The following PHLPP1 variants were observed in gnomAD, a reference collection of about 807,000 sequenced individuals.
PHLPP1 encodes the protein PH domain and leucine rich repeat protein phosphatase 1, also known as PH domain leucine-rich repeat-containing protein phosphatase 1.
PHLPP1 carries 42 observed loss-of-function variants against 117.2 expected under a neutral mutation model. The ratio of observed to expected loss-of-function variants is 0.36; its 90% CI spans 0.28 to 0.46. PHLPP1 has a LOEUF of 0.46. PHLPP1 is among the 20% of genes least tolerant of loss of function. PHLPP1 has a pLI of 1.00. For synonymous variants in PHLPP1, 1,042 were observed against 970.7 expected (o/e 1.07, Z -1.37); for missense variants, 2,084 against 2,241.9 (o/e 0.93, Z 1.42).
chr18:62,826,768 C>T (rs1393132934), intron 1 of PHLPP1, among the ~76,000 whole-genome samples: 1 of 151,928 alleles, frequency 6.6e-6, no homozygotes, highest in African/African-American at 2.4e-5. Context: ...TTTGGGAGGC[C>T]GAGGTGGGTG....
chr18:62,758,861 C>G (rs1849255579), intron 1 of PHLPP1, among the ~76,000 whole-genome samples: 1 of 152,170 alleles, frequency 6.6e-6, no homozygotes. Flanking sequence ...CTTCTTTTCA[C>G]ATGGTGATTG....
chr18:62,749,125 T>C (rs145684762), intron 1 of PHLPP1, among the ~76,000 whole-genome samples: 49 of 152,320 alleles, frequency 3.2e-4, no homozygotes, highest in African/African-American at 8.9e-4. Flanking sequence ...TGTTTTTGCT[T>C]TCTTACTTTT....
chr18:62,832,242 G>A (rs915797392), intron 2 of PHLPP1: 1 of 152,234 alleles, frequency 6.6e-6, no homozygotes, highest in Non-Finnish European at 1.5e-5. Context: ...ATCAGAAGAT[G>A]AAGTAGGCAC....
intron 1 of PHLPP1, among the ~76,000 whole-genome samples, chr18:62,725,110 G>C (rs1243435038): frequency 6.6e-6 from 1 of 152,144 alleles, no homozygotes; most frequent in Admixed American, 6.5e-5. Context: ...TGTAATCCCA[G>C]CACTTTGGGA....
intron 1 of PHLPP1, among the ~76,000 whole-genome samples, chr18:62,766,076 A>AAAAAAAAAAAAAATAT: frequency 6.9e-4 from 15 of 21,658 alleles, no homozygotes; most frequent in African/African-American, 1.9e-3. Context: ...AAAAAAAAAA[A>AAAAAAAAAAAAAATAT]ATATATATAT....
intron 8 of PHLPP1, among the ~76,000 whole-genome samples, chr18:62,914,687 G>A (rs958050851): frequency 2.6e-5 from 4 of 152,210 alleles, no homozygotes; most frequent in African/African-American, 9.6e-5. Flanking sequence ...CCTCCCATAG[G>A]CGTGAGCCAC....
chr18:62,719,025 A>G (rs1568092732), intron 1 of PHLPP1, among the ~76,000 whole-genome samples: 1 of 152,192 alleles, frequency 6.6e-6, no homozygotes. Flanking sequence ...TTCCTGGTTA[A>G]ATCTTAAAAT....
rs114027949 is a variant in PHLPP1, at chr18:62,956,157, G to A, written c.3325-2472G>A. ...GGTGGTGGTATATTAGGGCATTCAG[G>A]CTGCTATAACAACATGCCTTAGACT... On this transcript the variant is annotated intron_variant, in intron 12 of 16. Coordinates refer to ENST00000262719, the MANE Select transcript of PHLPP1 (RefSeq NM_194449.4). Among the ~76,000 whole-genome samples, 1,214 of 152,284 alleles carry A rather than the reference G, an allele frequency of 8.0e-3. 27 individuals are homozygous for A. Among genetic ancestry groups the A allele is most frequent in the African/African-American group, 0.028 (1,156 of 41,544 alleles).
chr18:62,963,743 T>C (rs181576706), intron 14 of PHLPP1, among the ~76,000 whole-genome samples: 4 of 152,360 alleles, frequency 2.6e-5, no homozygotes, highest in Admixed American at 1.3e-4. Context: ...CTCCAGTGTT[T>C]AGAAAAGGCC....
intron 1 of PHLPP1, among the ~76,000 whole-genome samples, chr18:62,724,821 TTTTAA>T (rs1348278388): frequency 1.3e-5 from 2 of 152,214 alleles, no homozygotes; most frequent in African/African-American, 4.8e-5. Context: ...CAGGTGGGTA[TTTTAA>T]TTGCAGAGAG....
intron 9 of PHLPP1, among the ~76,000 whole-genome samples, chr18:62,915,508 T>A (rs1293484724): frequency 1.3e-5 from 2 of 152,184 alleles, no homozygotes; most frequent in East Asian, 3.8e-4. Flanking sequence ...GTTCAAGAAC[T>A]TCTCTTTCCT....
Position 62,715,625 on chromosome 18 carries a change from C to A in PHLPP1, c.-59C>A. 1.7e-6 allele frequency: 2 copies of A among 1,153,060 alleles called. No homozygotes were observed. The highest frequency in any genetic ancestry group is 2.2e-6 in the Non-Finnish European group (2 of 909,734). The allele number at this position is 1,153,060 out of a possible 1,614,324, so 71.4% of individuals were successfully genotyped here. A position where few individuals can be genotyped will look rare whatever the true frequency, so the allele number is the denominator to read the frequency against. Reference sequence around the variant, plus strand: ...CCGCCGTCTCCCACCTCCGCCTCATCGCCTCCCTCTCCGCCCGCTGCCTCC... The same window carrying A: ...CCGCCGTCTCCCACCTCCGCCTCATAGCCTCCCTCTCCGCCCGCTGCCTCC... On this transcript the variant is annotated 5_prime_UTR_variant, in exon 1 of 17. Transcript: ENST00000262719.
chr18:62,786,014 A>G (rs977376347), intron 1 of PHLPP1, among the ~76,000 whole-genome samples: 7 of 152,172 alleles, frequency 4.6e-5, no homozygotes, highest in Non-Finnish European at 7.3e-5. Context: ...GCCTTAACTC[A>G]AGATTGTCAT....
intron 4 of PHLPP1, among the ~76,000 whole-genome samples, chr18:62,885,739 A>T (rs1300938430): frequency 1.3e-5 from 2 of 152,210 alleles, no homozygotes; most frequent in African/African-American, 4.8e-5. Flanking sequence ...AATTTAGTGC[A>T]TTTAAACTTT....
chr18:62,973,403 A>G (rs78249606), intron 15 of PHLPP1, among the ~76,000 whole-genome samples: 60 of 152,300 alleles, frequency 3.9e-4, no homozygotes, highest in Non-Finnish European at 8.5e-4. Flanking sequence ...TCTAGGTAAT[A>G]ATGGAATTGC....
rs1451821086 is a variant in PHLPP1 at position 62,715,757 on chromosome 18, C to T, written c.74C>T (p.Ala25Val). 3 of 1,068,224 alleles carry T rather than the reference C, an allele frequency of 2.8e-6. No homozygotes were observed. Among genetic ancestry groups the T allele is most frequent in the East Asian group, 4.7e-5 (1 of 21,132 alleles). 66.2% of individuals were successfully genotyped at this position (1,068,224 alleles called of 1,614,324 possible). A position where few individuals can be genotyped will look rare whatever the true frequency, so the allele number is the denominator to read the frequency against. The stretch of plus-strand genomic sequence containing the variant: ...AGGGAGGACCGAGCTTCGGCTCCGG[C>T]GGCCGCCGCTGCGGCAGCAGCAGCA... ...LGREDRASAP[A>V]AAAAAAAAAA... The change falls in exon 1 of 17, where the codon GCG becomes GTG. Residue 25 changes from alanine to valine, a missense_variant. Physicochemically the swap from Ala to Val is moderately conservative, Grantham distance 64. Around this residue, in one of 2 missense-constraint regions of PHLPP1, gnomAD observed 719 missense variants for 636.0 expected, o/e 1.13. Transcript: ENST00000262719.
intron 4 of PHLPP1, among the ~76,000 whole-genome samples, chr18:62,875,679 G>T (rs992356015): frequency 2.0e-5 from 3 of 151,442 alleles, no homozygotes; most frequent in African/African-American, 7.3e-5. Context: ...TTCGCAAAAG[G>T]TATTTGTAGC....
chr18:62,894,000 A>G (rs78186093), intron 4 of PHLPP1, among the ~76,000 whole-genome samples: 3,036 of 152,300 alleles, frequency 0.02, 43 homozygotes, highest in Middle Eastern at 0.058. Context: ...TAGGAGTCAA[A>G]ACATTTCCAA....
In PHLPP1 at chr18:62,847,480, C is replaced by T. The variant is rs149123395; in HGVS notation, c.1899+8571C>T. Among the ~76,000 whole-genome samples, 20 of 152,232 alleles carry T rather than the reference C, an allele frequency of 1.3e-4. No individual in the cohort carries two copies. In the East Asian group the frequency reaches 2.7e-3, roughly 21 times the overall value. On this transcript the variant is annotated intron_variant, in intron 3 of 16. Coordinates refer to ENST00000262719, the MANE Select transcript of PHLPP1 (RefSeq NM_194449.4). ...CTTCTGTTATTAGTACTTTAAAATA[C>T]TTGCGGGTTTGATCTGTATAATGTT...
Sources: gnomAD v4.1 joint callset for allele counts (sites outside exome capture counted in the v4.1 genomes callset) on GRCh38, gnomAD v4.1.1 for gene constraint, gnomAD v4.1.1 regional missense constraint, MANE v1.5 for transcripts, NCBI Gene and HGNC (gene_info 2026-07-23, HGNC 2026-07-21) for gene names.